MANBA: variants seen among roughly 807,000 people sequenced by gnomAD.
MANBA encodes the protein mannosidase beta, also known as beta-mannosidase.
In MANBA, 83 loss-of-function variants were observed where a neutral mutation model predicts 111.1. The observed-to-expected ratio is 0.75, with a 90% CI of 0.63 to 0.90. The LOEUF is 0.90. MANBA is among the 40% of genes least tolerant of loss of function. MANBA has a pLI of 0.00. For synonymous variants in MANBA, 370 were observed against 378.7 expected (o/e 0.98, Z 0.27); for missense variants, 1,036 against 1,069.0 (o/e 0.97, Z 0.43).
At chr4:102,710,292 GATAA>G (rs1578926343) in intron 5 of MANBA, among the ~76,000 whole-genome samples, 1 of 152,186 alleles carries the variant, frequency 6.6e-6, no homozygotes, top group South Asian at 2.1e-4. Context: ...TCTTAGATCT[GATAA>G]ATAAATTCAG....
At chr4:102,697,731 C>T (rs1395625436) in intron 5 of MANBA, among the ~76,000 whole-genome samples, 3 of 150,612 alleles carry the variant, frequency 2.0e-5, no homozygotes, top group African/African-American at 7.3e-5. Context: ...TGTATATGTG[C>T]CACATTTTCT....
At position 102,689,348 on chromosome 4, in the gene MANBA, C is replaced by CAA. The variant is rs35110858; in HGVS notation, c.960+224_960+225dup. ...TGAGTGACAGAGCAAGACTCTGTCT[C>CAA]AAAAAAAAAAAATATATATATATAT... On this transcript the variant is annotated intron_variant, in intron 7 of 16. Coordinates refer to ENST00000647097, the MANE Select transcript of MANBA (RefSeq NM_005908.4). Among the ~76,000 whole-genome samples the CAA allele has an allele frequency of 5.7e-3, 747 of 130,378 alleles. 8 individuals are homozygous for CAA. Among genetic ancestry groups the CAA allele is most frequent in the African/African-American group, 0.021 (704 of 33,990 alleles). 85.5% of individuals were successfully genotyped at this position (130,378 alleles called of 152,430 possible).
intron 1 of MANBA, among the ~76,000 whole-genome samples, chr4:102,748,986 T>G (rs1438791409): frequency 6.6e-6 from 1 of 152,070 alleles, no homozygotes; most frequent in African/African-American, 2.4e-5. Flanking sequence ...TTAATTTATC[T>G]CTTTTTTTAA....
At chr4:102,720,207 G>A (rs966308521) in intron 4 of MANBA, among the ~76,000 whole-genome samples, 5 of 152,158 alleles carry the variant, frequency 3.3e-5, no homozygotes, top group African/African-American at 9.7e-5. Context: ...GGCCAAGGTG[G>A]GTGGATCACC....
chr4:102,707,940 G>T (rs1003138765), intron 5 of MANBA, among the ~76,000 whole-genome samples: 3 of 152,116 alleles, frequency 2.0e-5, no homozygotes, highest in African/African-American at 4.8e-5. Flanking sequence ...ATGATAAAAT[G>T]ATCAAATCCA....
chr4:102,701,533 G>C (rs1398200650), intron 5 of MANBA, among the ~76,000 whole-genome samples: 1 of 151,940 alleles, frequency 6.6e-6, no homozygotes, highest in Admixed American at 6.6e-5. Flanking sequence ...CTTCCTTCAG[G>C]AGCTCTTTTA....
At chr4:102,743,950 T>C (rs1723501453) in intron 1 of MANBA, among the ~76,000 whole-genome samples, 1 of 152,192 alleles carries the variant, frequency 6.6e-6, no homozygotes, top group Non-Finnish European at 1.5e-5. Flanking sequence ...ACCATCTCTA[T>C]CTGCCACTGA....
chr4:102,730,228 T>C (rs1248471511), intron 1 of MANBA: 4 of 579,360 alleles, frequency 6.9e-6, no homozygotes, highest in South Asian at 2.4e-5. Context: ...CCAGAAGGAG[T>C]GGAGAAGCTG....
chr4:102,647,073 C>A (rs188532967), intron 13 of MANBA, among the ~76,000 whole-genome samples: 1 of 151,832 alleles, frequency 6.6e-6, no homozygotes, highest in East Asian at 1.9e-4. Flanking sequence ...GAAAGTGGAA[C>A]AGAGAAGGGT....
chr4:102,652,739 T>C (rs568106778), intron 12 of MANBA, among the ~76,000 whole-genome samples: 2 of 151,252 alleles, frequency 1.3e-5, no homozygotes, highest in African/African-American at 4.9e-5. Flanking sequence ...AAAAGAAAAA[T>C]AAAAAATCAG....
chr4:102,685,191 A>G (rs1201888403), intron 7 of MANBA, among the ~76,000 whole-genome samples: 1 of 152,142 alleles, frequency 6.6e-6, no homozygotes, highest in East Asian at 1.9e-4. Context: ...AGTGCTAGTA[A>G]TTAATGTTCT....
intron 8 of MANBA, among the ~76,000 whole-genome samples, 186 bp from the exon 9 acceptor site, chr4:102,671,584 C>T (rs1007903587): frequency 1.3e-5 from 2 of 152,008 alleles, no homozygotes; most frequent in Non-Finnish European, 2.9e-5. Context: ...AACAAATAAA[C>T]AGAAAAAGTA....
intron 5 of MANBA, among the ~76,000 whole-genome samples, chr4:102,695,161 T>C (rs2110248736): frequency 1.3e-5 from 2 of 152,314 alleles, no homozygotes; most frequent in East Asian, 3.9e-4. Context: ...CATGTAGATG[T>C]GTCCAGTACA....
intron 11 of MANBA, 47 bp from the exon 12 acceptor site, chr4:102,657,947 TA>T: frequency 7.6e-7 from 1 of 1,310,346 alleles, no homozygotes. Context: ...ATTCATCCTG[TA>T]AAGTATGTAT....
intron 1 of MANBA, chr4:102,753,849 G>A (rs946080463): frequency 8.0e-6 from 3 of 373,936 alleles, no homozygotes; most frequent in African/African-American, 2.2e-5. Context: ...TTGACAGGCC[G>A]AGGTGGGCGG....
At chr4:102,709,874 C>T (rs955627198) in intron 5 of MANBA, among the ~76,000 whole-genome samples, 3 of 152,040 alleles carry the variant, frequency 2.0e-5, no homozygotes, top group South Asian at 2.1e-4. Context: ...AATCAATAAA[C>T]GTGATACATC....
chr4:102,682,105 C>T (rs1732010375), intron 7 of MANBA, among the ~76,000 whole-genome samples: 2 of 150,344 alleles, frequency 1.3e-5, no homozygotes, highest in Non-Finnish European at 2.9e-5. Context: ...CGAGATCACG[C>T]CATTGCACTC....
At chr4:102,727,241 G>A (rs749132581) in intron 1 of MANBA, 76 of 457,694 alleles carry the variant, frequency 1.7e-4, no homozygotes, top group Non-Finnish European at 2.6e-4. Context: ...GGAAAATCTG[G>A]GTTTCATGTT....
chr4:102,654,193 C>T (rs1211865003), intron 12 of MANBA, among the ~76,000 whole-genome samples: 1 of 152,074 alleles, frequency 6.6e-6, no homozygotes, highest in Non-Finnish European at 1.5e-5. Flanking sequence ...TTCCTTCATT[C>T]CTTCCTTCCC....
Sources: allele counts gnomAD v4.1 joint callset (sites outside exome capture counted in the v4.1 genomes callset), GRCh38; gene constraint gnomAD v4.1.1; transcripts MANE v1.5; gene names NCBI Gene and HGNC (gene_info 2026-07-23, HGNC 2026-07-21).